The following TSHZ2 variants were observed in gnomAD, a reference collection of about 807,000 sequenced individuals.
TSHZ2 encodes the protein teashirt homolog 2.
TSHZ2 carries 21 observed loss-of-function variants against 74.4 expected under a neutral mutation model. The ratio of observed to expected loss-of-function variants is 0.28; its 90% CI spans 0.20 to 0.41. The LOEUF (loss-of-function observed/expected upper bound fraction) is 0.41, where lower values mean the gene tolerates loss of function less well. Among genes scored for constraint, TSHZ2 ranks in the 10% least tolerant of loss-of-function variants. TSHZ2 has a pLI of 1.00. For missense variants in TSHZ2, 1,244 were observed against 1,293.5 expected (o/e 0.96, Z 0.59); for synonymous variants, 540 against 515.3 (o/e 1.05, Z -0.65).
intron 2 of TSHZ2, among the ~76,000 whole-genome samples, chr20:53,322,067 T>A (rs1013424231): frequency 6.6e-6 from 1 of 152,156 alleles, no homozygotes; most frequent in Non-Finnish European, 1.5e-5. Flanking sequence ...CACCTTGCCA[T>A]TCATAGCTGG....
At chr20:53,263,442 G>A (rs369293757) in intron 2 of TSHZ2, among the ~76,000 whole-genome samples, 1 of 152,224 alleles carries the variant, frequency 6.6e-6, no homozygotes, top group Non-Finnish European at 1.5e-5. Context: ...CTAGCATGCC[G>A]GCAGGGGCCG....
At chr20:53,047,246 T>C (rs1469942225) in intron 1 of TSHZ2, among the ~76,000 whole-genome samples, 1 of 152,246 alleles carries the variant, frequency 6.6e-6, no homozygotes, top group Non-Finnish European at 1.5e-5. Flanking sequence ...TAAGGTATAA[T>C]AGAAGCTTGT....
intron 1 of TSHZ2, among the ~76,000 whole-genome samples, chr20:53,187,969 T>C (rs931146202): frequency 6.6e-6 from 1 of 152,076 alleles, no homozygotes; most frequent in Non-Finnish European, 1.5e-5. Flanking sequence ...TCTCCATATA[T>C]CATTAGAACC....
At chr20:53,334,493 A>G (rs943099231) in intron 2 of TSHZ2, among the ~76,000 whole-genome samples, 1 of 151,964 alleles carries the variant, frequency 6.6e-6, no homozygotes, top group Non-Finnish European at 1.5e-5. Context: ...CTGAAGCAGG[A>G]TGGGGGAGGC....
At chr20:52,977,223 C>A (rs145930632) in intron 1 of TSHZ2, among the ~76,000 whole-genome samples, 4 of 152,038 alleles carry the variant, frequency 2.6e-5, no homozygotes, top group Admixed American at 2.6e-4. Flanking sequence ...CAGCTCAGGG[C>A]GAAGTTTACC....
rs141845290 is a variant in TSHZ2, at chr20:53,386,760, G to A, written c.*9-100384G>A. ...CAGAGGCCTGCTCCCAGAAGGCGGC[G>A]GAATGTTTACAACTAATCACTGGAT... On this transcript the variant is annotated intron_variant, in intron 2 of 2. Coordinates refer to ENST00000371497, the MANE Select transcript of TSHZ2 (RefSeq NM_173485.6). Among the ~76,000 whole-genome samples, 642 of 152,218 alleles carry A rather than the reference G, an allele frequency of 4.2e-3. 5 individuals carry two copies. Among genetic ancestry groups the A allele is most frequent in the Non-Finnish European group, 5.5e-3 (374 of 68,006 alleles).
chr20:53,062,469 T>C (rs1984853459), intron 1 of TSHZ2, among the ~76,000 whole-genome samples: 2 of 152,252 alleles, frequency 1.3e-5, no homozygotes, highest in Admixed American at 1.3e-4. Context: ...TTACAACATA[T>C]ACCACATTTA....
Position 53,254,495 on chromosome 20 carries a change from C to T in TSHZ2, c.1037C>T (p.Ser346Phe). Residue 346 changes from serine (S) to phenylalanine (F), a missense_variant, in exon 2 of 3, where the codon TCT (serine) becomes TTT (phenylalanine). By Grantham distance (155) the Ser-to-Phe change is radical (BLOSUM62 -2). This residue lies in a region of TSHZ2 where 470 missense variants were observed against 456.5 expected (regional missense o/e 1.03). Transcript: ENST00000371497. ...TTGSFADSFS[S>F]QKNANLQLSS... ...GGATCTTTTGCAGATTCTTTTTCTT[C>T]TCAGAAGAACGCCAACTTGCAGTTG... is the stretch of plus-strand genomic sequence containing the variant. The T allele has an allele frequency of 1.2e-6, 2 of 1,614,130 alleles. No individual in the cohort carries two copies. The highest frequency in any genetic ancestry group is 1.7e-6 in the Non-Finnish European group (2 of 1,179,968).
At chr20:53,004,132 C>G (rs535054254) in intron 1 of TSHZ2, among the ~76,000 whole-genome samples, 1 of 151,752 alleles carries the variant, frequency 6.6e-6, no homozygotes, top group Admixed American at 6.6e-5. Context: ...ATGGAACACG[C>G]ACCCACTCCC....
At chr20:53,345,031 ACT>A (rs755885493) in intron 2 of TSHZ2, among the ~76,000 whole-genome samples, 1 of 152,206 alleles carries the variant, frequency 6.6e-6, no homozygotes, top group Non-Finnish European at 1.5e-5. Context: ...ACAGAAGCTG[ACT>A]CTGGTGAATC....
intron 2 of TSHZ2, among the ~76,000 whole-genome samples, chr20:53,418,516 G>A (rs1279501314): frequency 2.6e-5 from 4 of 152,148 alleles, no homozygotes; most frequent in Non-Finnish European, 5.9e-5. Flanking sequence ...CTCACATGGC[G>A]ACAGACGAGA....
intron 1 of TSHZ2, among the ~76,000 whole-genome samples, chr20:53,200,174 C>T (rs898079712): frequency 5.3e-5 from 8 of 152,010 alleles, no homozygotes; most frequent in Non-Finnish European, 7.4e-5. Flanking sequence ...TTCTTGTGGG[C>T]GGGTGGAGGG....
At chr20:53,312,022 A>C (rs1297418610) in intron 2 of TSHZ2, among the ~76,000 whole-genome samples, 4 of 152,176 alleles carry the variant, frequency 2.6e-5, no homozygotes, top group Non-Finnish European at 5.9e-5. Context: ...TTGAGGCTGC[A>C]GTGAACTATG....
intron 2 of TSHZ2, among the ~76,000 whole-genome samples, chr20:53,353,174 G>T (rs113545211): frequency 3.9e-5 from 6 of 152,298 alleles, no homozygotes; most frequent in African/African-American, 1.4e-4. Context: ...TTAAGGAGGG[G>T]TTTAAGGTTG....
intron 1 of TSHZ2, among the ~76,000 whole-genome samples, chr20:53,197,517 A>T (rs1433413870): frequency 6.6e-6 from 1 of 152,144 alleles, no homozygotes; most frequent in Non-Finnish European, 1.5e-5. Flanking sequence ...GGTTTAATTT[A>T]CTCTTGCAAA....
chr20:53,225,494 C>T (rs972071591), intron 1 of TSHZ2, among the ~76,000 whole-genome samples: 5 of 152,190 alleles, frequency 3.3e-5, no homozygotes, highest in Non-Finnish European at 5.9e-5. Context: ...CAGGTGACTT[C>T]GCCCTCAGTG....
chr20:53,072,523 C>T (rs1182041778), intron 1 of TSHZ2, among the ~76,000 whole-genome samples: 3 of 152,224 alleles, frequency 2.0e-5, no homozygotes, highest in Admixed American at 6.5e-5. Flanking sequence ...CTAGTCTCCT[C>T]ATTCCTCATT....
intron 1 of TSHZ2, among the ~76,000 whole-genome samples, chr20:53,109,409 T>C (rs1275546633): frequency 6.6e-6 from 1 of 152,136 alleles, no homozygotes; most frequent in African/African-American, 2.4e-5. Flanking sequence ...ATCTCTCTCT[T>C]ATCTTTCATT....
chr20:53,437,192 G>A (rs1984116240), intron 2 of TSHZ2, among the ~76,000 whole-genome samples: 6 of 152,168 alleles, frequency 3.9e-5, no homozygotes, highest in Non-Finnish European at 8.8e-5. Context: ...ATCCACTCAG[G>A]CCAGGCACAG....
Sources: allele counts gnomAD v4.1 joint callset (sites outside exome capture counted in the v4.1 genomes callset), GRCh38; gene constraint gnomAD v4.1.1; regional missense constraint gnomAD v4.1.1; transcripts MANE v1.5; gene names NCBI Gene and HGNC (gene_info 2026-07-23, HGNC 2026-07-21).